Variants in SMN2 observed in about 807,000 individuals in gnomAD.
SMN2 encodes survival of motor neuron 2, centromeric.
Under a neutral mutation model 2.8 loss-of-function variants are expected in SMN2, and 1 was observed. That is an observed-to-expected ratio of 0.35 (90% CI 0.13 to 1.68). The LOEUF is 1.68. Ranked by LOEUF, SMN2 falls within the 40% of genes most tolerant of loss-of-function variation. The probability of loss-of-function intolerance (pLI) is 0.35; values close to 1 mark genes in which losing one functional copy is unlikely to be tolerated. For missense variants in SMN2, 12 were observed against 16.9 expected (o/e 0.71, Z 0.51); for synonymous variants, 5 against 5.0 (o/e 0.99, Z 0.01).
chr5:70,081,927 C>T (rs1376878028), downstream of SMN2, among the ~76,000 whole-genome samples: 6 of 92,920 alleles, frequency 6.5e-5, no homozygotes, highest in African/African-American at 3.4e-4. Context: ...GAGAGGGCAT[C>T]CCTGTCTTGT....
At chr5:70,079,285 T>G (rs1337134505), downstream of SMN2, among the ~76,000 whole-genome samples, 1 of 144,672 alleles carries the variant, frequency 6.9e-6, no homozygotes, top group Non-Finnish European at 1.5e-5. Flanking sequence ...ATACAAAAAT[T>G]AGCCCGGCAT....
At chr5:70,079,894 C>G (rs1486844744), downstream of SMN2, among the ~76,000 whole-genome samples, 1 of 97,698 alleles carries the variant, frequency 1.0e-5, no homozygotes, top group Non-Finnish European at 1.9e-5. Context: ...TCAAGCCATT[C>G]TCCCACCTCG....
downstream of SMN2, among the ~76,000 whole-genome samples, chr5:70,080,292 C>G (rs1451443870): frequency 2.4e-4 from 33 of 136,220 alleles, 4 homozygotes; most frequent in African/African-American, 1.0e-3. Context: ...GATCGTGCCA[C>G]TACACTCCAG....
chr5:70,082,754 TTTC>T (rs1204629980), downstream of SMN2, among the ~76,000 whole-genome samples: 2 of 64,220 alleles, frequency 3.1e-5, no homozygotes, highest in Non-Finnish European at 5.5e-5. Context: ...TCTTCTCTCT[TTTC>T]TTCTTTATTA....
the SMN2 span, among the ~76,000 whole-genome samples, chr5:70,085,588 C>T: frequency 1.7e-5 from 1 of 58,892 alleles, no homozygotes; most frequent in African/African-American, 1.1e-4. Flanking sequence ...AGATATAAAA[C>T]AAGCTTACGT....
At chr5:70,083,511 A>G (rs1742063927), downstream of SMN2, among the ~76,000 whole-genome samples, 1 of 136,104 alleles carries the variant, frequency 7.3e-6, no homozygotes, top group Non-Finnish European at 1.5e-5. Context: ...ACGTATGTTT[A>G]TTGCGGCACT....
intron 8 of SMN2, 94 bp downstream of exon 8, chr5:70,076,668 A>T: frequency 2.8e-6 from 4 of 1,410,604 alleles, no homozygotes; most frequent in Non-Finnish European, 3.8e-6. Context: ...AAAAGTTCAG[A>T]TGTTAGAAAG....
chr5:70,071,235 G>GTT, intron 7 of SMN2: 1 of 265,602 alleles, frequency 3.8e-6, no homozygotes, highest in Admixed American at 5.0e-5. Context: ...TGGGACTACA[G>GTT]GTGCCTGCCA....
chr5:70,053,199 C>CA (rs1774506487), intron 1 of SMN2, among the ~76,000 whole-genome samples: 1 of 11,030 alleles, frequency 9.1e-5, no homozygotes, highest in Non-Finnish European at 2.2e-4. Context: ...GCTGCCTGTA[C>CA]AGGCTTCTCT....
At chr5:70,052,418 A>G (rs1302371323) in intron 1 of SMN2, among the ~76,000 whole-genome samples, 6 of 37,170 alleles carry the variant, frequency 1.6e-4, no homozygotes, top group African/African-American at 4.9e-4. Context: ...TCACGTGTCT[A>G]TAATCCCAGC....
In SMN2 at chr5:70,076,815, A is replaced by C; in HGVS notation, c.*4-204A>C. 2 of 1,315,736 alleles carry C rather than the reference A, an allele frequency of 1.5e-6. 1 individual carries two copies. The highest frequency in any genetic ancestry group is 2.0e-6 in the Non-Finnish European group (2 of 1,007,714). 81.5% of individuals were successfully genotyped at this position (1,315,736 alleles called of 1,614,324 possible). On this transcript the variant is annotated intron_variant, in intron 8 of 8. Coordinates refer to ENST00000380743, the MANE Select transcript of SMN2 (RefSeq NM_017411.4). ...TGTGGAAGAAACATACTTTCACAAT[A>C]AAGAGCTTTAGGATATGATGCCATT...
the SMN2 span, among the ~76,000 whole-genome samples, chr5:70,083,813 G>A: frequency 7.6e-6 from 1 of 131,408 alleles, no homozygotes; most frequent in Non-Finnish European, 1.6e-5. Flanking sequence ...GGGGTGGGGG[G>A]AGTGGGGAGG....
downstream of SMN2, among the ~76,000 whole-genome samples, chr5:70,080,577 G>A (rs1271882551): frequency 1.1e-5 from 1 of 89,390 alleles, no homozygotes; most frequent in Non-Finnish European, 2.1e-5. Context: ...GGTGTGAGAT[G>A]GTATCTTATT....
At chr5:70,079,644 C>G (rs1774827271), downstream of SMN2, among the ~76,000 whole-genome samples, 1 of 137,308 alleles carries the variant, frequency 7.3e-6, no homozygotes, top group Non-Finnish European at 1.5e-5. Flanking sequence ...GTAGTCCCAG[C>G]TACTGGAGAG....
At chr5:70,075,594 C>T (rs1385365827) in intron 7 of SMN2, among the ~76,000 whole-genome samples, 3 of 120,014 alleles carry the variant, frequency 2.5e-5, no homozygotes, top group Non-Finnish European at 5.4e-5. Context: ...GTGATCCGCC[C>T]GCCTTGGCCT....
At chr5:70,083,557 G>A in the SMN2 span, among the ~76,000 whole-genome samples, 1 of 136,554 alleles carries the variant, frequency 7.3e-6, no homozygotes, top group Non-Finnish European at 1.5e-5. Context: ...CAACCCAAAC[G>A]TCCAACAATG....
At chr5:70,075,584 G>C (rs1366660083) in intron 7 of SMN2, among the ~76,000 whole-genome samples, 1 of 120,718 alleles carries the variant, frequency 8.3e-6, no homozygotes, top group Non-Finnish European at 1.8e-5. Flanking sequence ...CCGACCTCAG[G>C]TGATCCGCCC....
downstream of SMN2, among the ~76,000 whole-genome samples, chr5:70,079,559 C>T (rs1258680331): frequency 2.0e-4 from 29 of 142,146 alleles, 5 homozygotes; most frequent in African/African-American, 8.2e-4. Flanking sequence ...AGTTCAAGAC[C>T]AGCATAAGCA....
At chr5:70,069,879 T>C (rs1774539559) in intron 6 of SMN2, among the ~76,000 whole-genome samples, 3 of 22,480 alleles carry the variant, frequency 1.3e-4, no homozygotes, top group Non-Finnish European at 2.4e-4. Flanking sequence ...ATTTTTGTTT[T>C]ATTAGTAGAG....
Sources: gnomAD v4.1 joint callset for allele counts (sites outside exome capture counted in the v4.1 genomes callset) on GRCh38, gnomAD v4.1.1 for gene constraint, MANE v1.5 for transcripts, NCBI Gene and HGNC (gene_info 2026-07-23, HGNC 2026-07-21) for gene names.